FLT1: variants seen among roughly 807,000 people sequenced by gnomAD.
The protein encoded by FLT1 is fms related receptor tyrosine kinase 1, also known as vascular endothelial growth factor receptor 1.
FLT1 carries 49 observed loss-of-function variants against 156.3 expected under a neutral mutation model. The observed-to-expected ratio is 0.31, with a 90% confidence interval of 0.25 to 0.40. The LOEUF (loss-of-function observed/expected upper bound fraction) is 0.40, where lower values mean the gene tolerates loss of function less well. FLT1 is among the 10% of genes least tolerant of loss of function. FLT1 has a pLI of 1.00. For missense variants in FLT1, 1,322 were observed against 1,637.2 expected (o/e 0.81, Z 3.32); for synonymous variants, 594 against 583.8 (o/e 1.02, Z -0.25).
At chr13:28,385,969 T>G in intron 13 of FLT1, 1 of 1,050,596 alleles carries the variant, frequency 9.5e-7, no homozygotes, top group Non-Finnish European at 1.1e-6. Flanking sequence ...AAACAACTCC[T>G]AATGTCTTTC....
chr13:28,343,804 G>T (rs890824162), intron 16 of FLT1, among the ~76,000 whole-genome samples: 1 of 151,324 alleles, frequency 6.6e-6, no homozygotes, highest in Non-Finnish European at 1.5e-5. Flanking sequence ...CACCACGCCC[G>T]GCTAATTTTT....
intron 3 of FLT1, among the ~76,000 whole-genome samples, chr13:28,438,615 G>A (rs1283036248): frequency 1.5e-4 from 23 of 152,170 alleles, no homozygotes; most frequent in Admixed American, 1.5e-3. Context: ...TGGTATGGGG[G>A]GACCACTGTG....
chr13:28,389,037 T>C, intron 13 of FLT1: 1 of 1,064,676 alleles, frequency 9.4e-7, no homozygotes. Context: ...TTGGATGGAC[T>C]CTTATAATTC....
chr13:28,321,465 C>A lies in FLT1; in HGVS notation c.3172G>T (p.Asp1058Tyr). 1.2e-6 allele frequency: 2 copies of A among 1,614,054 alleles called. No individual in the cohort carries two copies. The highest frequency in any genetic ancestry group is 1.7e-6 in the Non-Finnish European group (2 of 1,179,998). The change falls in exon 23 of 30, where the codon GAT becomes TAT. Residue 1058 changes from aspartate to tyrosine, a missense_variant and splice_region_variant. Physicochemically the swap from Asp to Tyr is radical, Grantham distance 160 (BLOSUM62 -3). This residue lies in a region of FLT1 where 329 missense variants were observed against 366.2 expected (regional missense o/e 0.90). Coordinates refer to ENST00000282397, the MANE Select transcript of FLT1 (RefSeq NM_002019.4). ...AAATAAACATCAAACTGACTTACAT[C>A]TCCTTTTCTCACATAATCGGGGTTC... ...YKNPDYVRKG[D>Y]TRLPLKWMAP...
chr13:28,481,045 C>A (rs74937154), intron 1 of FLT1, among the ~76,000 whole-genome samples: 1,788 of 152,250 alleles, frequency 0.012, 38 homozygotes, highest in African/African-American at 0.04. Flanking sequence ...AATTTTCAAC[C>A]AAAATGTTCT....
In FLT1 at chr13:28,432,177, G is replaced by C. The variant is rs143681557; in HGVS notation, c.814-867C>G. ...TTCCACCTCTCAATCCTTCCCCATA[G>C]TCATAGGGGGCGGAGGGGAGGAGCA... On this transcript the variant is annotated intron_variant, in intron 6 of 29. Coordinates refer to ENST00000282397, the MANE Select transcript of FLT1 (RefSeq NM_002019.4). Among the ~76,000 whole-genome samples, 5 of 151,960 alleles carry C rather than the reference G, an allele frequency of 3.3e-5. No homozygotes were observed. The East Asian group carries it at 9.7e-4, about 29-fold the overall frequency.
At position 28,339,258 on chromosome 13, in the gene FLT1, C is replaced by G. The variant is rs2138851775; in HGVS notation, c.2398G>C (p.Asp800His). 2 of 1,613,500 alleles carry G rather than the reference C, an allele frequency of 1.2e-6. No homozygotes were observed. Among genetic ancestry groups the G allele is most frequent in the Non-Finnish European group, 1.7e-6 (2 of 1,179,484 alleles). The stretch of plus-strand genomic sequence containing the variant: ...TCATCCAAAGGAACTTCATCTGGGT[C>G]CATTATAATTGATAGGTAGTCAGTC... ...IKTDYLSIIMDPDEVPLDEQC... is the reference protein window; with the variant it reads ...IKTDYLSIIMHPDEVPLDEQC... Residue 800 changes from aspartate (D) to histidine (H), a missense_variant, in exon 17 of 30, where the codon GAC becomes CAC. By Grantham distance (81) the Asp-to-His change is moderately conservative (BLOSUM62 -1). Coordinates refer to ENST00000282397, the MANE Select transcript of FLT1 (RefSeq NM_002019.4).
chr13:28,432,313 T>C (rs368946891), intron 6 of FLT1, among the ~76,000 whole-genome samples: 18 of 152,214 alleles, frequency 1.2e-4, no homozygotes, highest in African/African-American at 4.1e-4. Flanking sequence ...TACTTCCCCA[T>C]TGGAACAGAC....
chr13:28,303,504 T>C (rs61763570), intron 29 of FLT1, 136 bp from the exon 30 acceptor site: 14,503 of 589,196 alleles, frequency 0.025, 78 homozygotes, highest in South Asian at 0.039. Context: ...CCCCCCCCCC[T>C]CAATTGCTGT....
At chr13:28,342,438 G>A (rs1403054940) in intron 16 of FLT1, among the ~76,000 whole-genome samples, 3 of 151,970 alleles carry the variant, frequency 2.0e-5, no homozygotes, top group African/African-American at 7.3e-5. Flanking sequence ...TCCCTATATG[G>A]TGTATCTCCC....
intron 13 of FLT1, chr13:28,387,609 G>A (rs1051003522): frequency 9.4e-7 from 1 of 1,064,750 alleles, no homozygotes; most frequent in Non-Finnish European, 1.1e-6. Flanking sequence ...TAAATACACA[G>A]CTTCTATCCT....
intron 14 of FLT1, among the ~76,000 whole-genome samples, chr13:28,361,880 T>C (rs1357649554): frequency 6.6e-6 from 1 of 152,202 alleles, no homozygotes; most frequent in South Asian, 2.1e-4. Context: ...TTCAATTCCA[T>C]GTAGAAGGAA....
At position 28,318,408 on chromosome 13, in the gene FLT1, T is replaced by TC. The variant is rs569603608; in HGVS notation, c.3287-812_3287-811insG. On this transcript the variant is annotated intron_variant, in intron 24 of 29. Transcript: ENST00000282397. Reference sequence around the variant, plus strand: ...CCAGCTTTACTGCCCAGGATTCCCCTGCAACCTTTCCTTTTGGGGGGATTC... The same window carrying TC: ...CCAGCTTTACTGCCCAGGATTCCCCTCGCAACCTTTCCTTTTGGGGGGATTC... Among the ~76,000 whole-genome samples the TC allele has an allele frequency of 4.9e-3, 740 of 152,190 alleles. 10 individuals carry two copies. The highest frequency in any genetic ancestry group is 0.017 in the African/African-American group (689 of 41,532).
intron 11 of FLT1, among the ~76,000 whole-genome samples, chr13:28,400,104 G>A (rs773259036): frequency 1.8e-4 from 27 of 152,206 alleles, no homozygotes; most frequent in Non-Finnish European, 3.1e-4. Context: ...ACACCAGATT[G>A]CTTCTCGCCT....
chr13:28,386,290 C>T, intron 13 of FLT1: 2 of 1,042,970 alleles, frequency 1.9e-6, no homozygotes, highest in Non-Finnish European at 2.3e-6. Flanking sequence ...TTTGTTAAAG[C>T]AATTTAGAAA....
At chr13:28,330,578 A>G (rs912952074) in intron 18 of FLT1, among the ~76,000 whole-genome samples, 11 of 120,182 alleles carry the variant, frequency 9.2e-5, no homozygotes, top group Non-Finnish European at 1.6e-4. Context: ...TAAATATTCA[A>G]TCAGAGGTCC....
chr13:28,457,893 T>A (rs138108046), intron 3 of FLT1, among the ~76,000 whole-genome samples: 1 of 151,956 alleles, frequency 6.6e-6, no homozygotes, highest in African/African-American at 2.4e-5. Flanking sequence ...TTGGACTTCA[T>A]TGCCATCTTT....
chr13:28,428,013 G>T, intron 8 of FLT1, 92 bp from the exon 9 acceptor site: 2 of 1,105,904 alleles, frequency 1.8e-6, no homozygotes, highest in Non-Finnish European at 1.4e-6. Flanking sequence ...AGCTCAAGTT[G>T]ACCAATTTCA....
intron 18 of FLT1, among the ~76,000 whole-genome samples, chr13:28,330,403 T>G (rs962122380): frequency 2.0e-5 from 3 of 152,098 alleles, no homozygotes; most frequent in Admixed American, 6.5e-5. Flanking sequence ...TTTTAAATTA[T>G]TTTTAGAAAT....
Sources: gnomAD v4.1 joint callset for allele counts (sites outside exome capture counted in the v4.1 genomes callset) on GRCh38, gnomAD v4.1.1 for gene constraint, gnomAD v4.1.1 regional missense constraint, MANE v1.5 for transcripts, NCBI Gene and HGNC (gene_info 2026-07-23, HGNC 2026-07-21) for gene names.